Variants in DNER observed in about 807,000 individuals in gnomAD.
DNER encodes the protein delta/notch like EGF repeat containing.
DNER carries 33 observed loss-of-function variants against 78.2 expected under a neutral mutation model. That is an observed-to-expected ratio of 0.42 (90% confidence interval 0.32 to 0.56). The LOEUF (loss-of-function observed/expected upper bound fraction) is 0.56, where lower values mean the gene tolerates loss of function less well. Among genes scored for constraint, DNER ranks in the 20% least tolerant of loss-of-function variants. DNER has a pLI of 0.11. For synonymous variants in DNER, 417 were observed against 384.8 expected, an observed-to-expected ratio of 1.08 and a Z score of -0.98; for missense variants, 918 against 975.3, an observed-to-expected ratio of 0.94 and a Z score of 0.78.
At chr2:229,446,871 G>T (rs547067817) in intron 8 of DNER, among the ~76,000 whole-genome samples, 112 of 152,308 alleles carry the variant, frequency 7.4e-4, no homozygotes, top group African/African-American at 2.6e-3. Context: ...GTATTGCACC[G>T]TGCTTTTCAT....
At chr2:229,589,278 A>C (rs994123354) in intron 2 of DNER, among the ~76,000 whole-genome samples, 2 of 152,216 alleles carry the variant, frequency 1.3e-5, no homozygotes, top group Non-Finnish European at 2.9e-5. Flanking sequence ...AATTGAGAAC[A>C]ATACAGAAAC....
At chr2:229,453,826 G>A (rs1694510379) in intron 7 of DNER, among the ~76,000 whole-genome samples, 1 of 150,714 alleles carries the variant, frequency 6.6e-6, no homozygotes, top group African/African-American at 2.4e-5. Flanking sequence ...CAGATAAATG[G>A]ACAGACAGGC....
chr2:229,450,214 GT>G (rs2106363402), intron 7 of DNER, among the ~76,000 whole-genome samples: 1 of 152,324 alleles, frequency 6.6e-6, no homozygotes, highest in Admixed American at 6.5e-5. Context: ...GAGAAGAGAA[GT>G]GATCATAGGA....
intron 5 of DNER, among the ~76,000 whole-genome samples, chr2:229,529,308 G>A (rs776833771): frequency 6.6e-5 from 10 of 152,096 alleles, no homozygotes; most frequent in East Asian, 1.9e-4. Flanking sequence ...ATAAGTGAGC[G>A]GATACTGCAA....
intron 1 of DNER, among the ~76,000 whole-genome samples, chr2:229,712,411 G>C (rs1699925288): frequency 6.6e-6 from 1 of 152,158 alleles, no homozygotes; most frequent in Non-Finnish European, 1.5e-5. Context: ...TCAGAGTTGT[G>C]TTAAATTCCC....
intron 5 of DNER, among the ~76,000 whole-genome samples, chr2:229,529,761 A>T (rs1296974659): frequency 6.6e-6 from 1 of 152,124 alleles, no homozygotes; most frequent in Non-Finnish European, 1.5e-5. Flanking sequence ...TAATCCCAAC[A>T]CTCTGAGAAG....
chr2:229,370,915 T>C (rs1198616735), intron 11 of DNER, among the ~76,000 whole-genome samples: 1 of 152,166 alleles, frequency 6.6e-6, no homozygotes, highest in Non-Finnish European at 1.5e-5. Context: ...CACAACCACA[T>C]GGCCACTAAA....
At position 229,714,220 on chromosome 2, in the gene DNER, C is replaced by CT; in HGVS notation, c.203dup (p.His69AlafsTer57). ...CAGGCTCGCCGGCGGGGGCCGGGTGCTGCGGGTCCGGCTCAGGGCGCGAGG... is the reference window on the plus strand; with the variant it reads ...CAGGCTCGCCGGCGGGGGCCGGGTGCTTGCGGGTCCGGCTCAGGGCGCGAGG... On this transcript the variant is annotated frameshift_variant, in exon 1 of 13. Transcript: ENST00000341772. LOFTEE classifies it high-confidence loss of function. The CT allele has an allele frequency of 2.1e-6, 3 of 1,396,906 alleles. No individual in the cohort carries two copies. The highest frequency in any genetic ancestry group is 2.8e-6 in the Non-Finnish European group (3 of 1,078,138). The allele number at this position is 1,396,906 out of a possible 1,614,324, so 86.5% of individuals were successfully genotyped here.
At chr2:229,687,785 C>T (rs980558022) in intron 1 of DNER, among the ~76,000 whole-genome samples, 1 of 152,094 alleles carries the variant, frequency 6.6e-6, no homozygotes. Context: ...CTGTAGCTGC[C>T]AAATTTAGAC....
At chr2:229,424,995 T>C (rs982626187) in intron 8 of DNER, among the ~76,000 whole-genome samples, 1 of 152,208 alleles carries the variant, frequency 6.6e-6, no homozygotes, top group Non-Finnish European at 1.5e-5. Context: ...CTAGATCCTT[T>C]TTATAAGATG....
At chr2:229,371,148 T>C (rs1031624415) in intron 11 of DNER, among the ~76,000 whole-genome samples, 4 of 152,234 alleles carry the variant, frequency 2.6e-5, no homozygotes, top group Non-Finnish European at 4.4e-5. Flanking sequence ...TAAAACTTTT[T>C]TGATACAAAT....
chr2:229,476,795 C>T (rs555072536), intron 7 of DNER, among the ~76,000 whole-genome samples: 1 of 144,490 alleles, frequency 6.9e-6, no homozygotes, highest in African/African-American at 2.5e-5. Flanking sequence ...AGCAGGTGAA[C>T]TTTGTGTTGA....
At chr2:229,677,225 G>A (rs998650159) in intron 1 of DNER, among the ~76,000 whole-genome samples, 1 of 152,152 alleles carries the variant, frequency 6.6e-6, no homozygotes, top group African/African-American at 2.4e-5. Context: ...TGGGGTCTCT[G>A]TCACATTTGA....
intron 5 of DNER, among the ~76,000 whole-genome samples, chr2:229,543,164 AAGAAG>A (rs1455521700): frequency 6.6e-6 from 1 of 151,994 alleles, no homozygotes; most frequent in Non-Finnish European, 1.5e-5. Context: ...TTAAAAAAAA[AAGAAG>A]AAGAAGAACA....
At chr2:229,464,425 A>T (rs2154210951) in intron 7 of DNER, among the ~76,000 whole-genome samples, 1 of 152,332 alleles carries the variant, frequency 6.6e-6, no homozygotes, top group African/African-American at 2.4e-5. Context: ...ACAGCTAGGA[A>T]ATCATCAGAA....
chr2:229,471,058 G>A (rs1485402492), intron 7 of DNER, among the ~76,000 whole-genome samples: 1 of 151,744 alleles, frequency 6.6e-6, no homozygotes, highest in Admixed American at 6.6e-5. Flanking sequence ...GAGGGTATGT[G>A]GCATGTTTCT....
intron 4 of DNER, among the ~76,000 whole-genome samples, chr2:229,583,225 T>C (rs1185160373): frequency 2.0e-5 from 3 of 152,214 alleles, no homozygotes; most frequent in African/African-American, 7.2e-5. Flanking sequence ...AGTGAGGTCA[T>C]ATCCCAATAA....
At chr2:229,683,605 C>T (rs1699425208) in intron 1 of DNER, among the ~76,000 whole-genome samples, 1 of 151,992 alleles carries the variant, frequency 6.6e-6, no homozygotes, top group Non-Finnish European at 1.5e-5. Flanking sequence ...AGCCTAATTC[C>T]TGATGATGAT....
chr2:229,369,901 C>T (rs1222950072), intron 11 of DNER, among the ~76,000 whole-genome samples: 1 of 152,002 alleles, frequency 6.6e-6, no homozygotes, highest in Non-Finnish European at 1.5e-5. Context: ...TTACTCACAC[C>T]ACCACCACCA....
Sources: allele counts gnomAD v4.1 joint callset (sites outside exome capture counted in the v4.1 genomes callset), GRCh38; gene constraint gnomAD v4.1.1; transcripts MANE v1.5; gene names NCBI Gene and HGNC (gene_info 2026-07-23, HGNC 2026-07-21).